Variants in RET observed in about 807,000 individuals in gnomAD.
The protein encoded by RET is proto-oncogene tyrosine-protein kinase receptor Ret.
Under a neutral mutation model 118.3 loss-of-function variants are expected in RET, and 19 were observed. The ratio of observed to expected loss-of-function variants is 0.16; its 90% CI spans 0.11 to 0.24. RET has a LOEUF of 0.24. RET is among the 10% of genes least tolerant of loss of function. The pLI is 1.00. For synonymous variants in RET, 597 were observed against 644.1 expected (o/e 0.93, Z 1.11); for missense variants, 1,219 against 1,502.1 (o/e 0.81, Z 3.12).
In RET at chr10:43,100,673, C is replaced by T. The variant is rs1431744747; in HGVS notation, c.288C>T (p.Tyr96=). The change falls in exon 2 of 20, where the codon TAC becomes TAT. Residue 96 remains tyrosine (Y), a synonymous_variant. Transcript: ENST00000355710. ...ICIQEDTGLL[Y]LNRSLDHSSW... ...TCCAGGAGGACACCGGCCTCCTCTA[C>T]CTTAACCGGAGCCTGGACCATAGCT... 2.4e-5 allele frequency: 38 copies of T among 1,610,666 alleles called. No individual in the cohort carries two copies. Among genetic ancestry groups the T allele is most frequent in the East Asian group, 6.7e-5 (3 of 44,774 alleles).
chr10:43,112,343 T>C, intron 8 of RET, 119 bp downstream of exon 8: 1 of 1,435,734 alleles, frequency 7.0e-7, no homozygotes, highest in East Asian at 2.5e-5. Flanking sequence ...TTCTGGCACC[T>C]CATCCCCCAT....
At chr10:43,102,795 C>A in intron 3 of RET, 166 bp downstream of exon 3, 1 of 806,694 alleles carries the variant, frequency 1.2e-6, no homozygotes, top group Non-Finnish European at 2.0e-6. Flanking sequence ...AGGTACTGTT[C>A]TAGGAGCTAA....
At chr10:43,116,557 C>G (rs756678957) in intron 11 of RET, 27 bp from the exon 12 acceptor site, 3 of 1,610,476 alleles carry the variant, frequency 1.9e-6, no homozygotes, top group Non-Finnish European at 2.5e-6. Context: ...CCCCCCTCTT[C>G]TCCCCCTTCC....
intron 1 of RET, among the ~76,000 whole-genome samples, chr10:43,091,293 T>G (rs1698817493): frequency 6.6e-6 from 1 of 152,030 alleles, no homozygotes; most frequent in Admixed American, 6.6e-5. Context: ...TGTAGAGAAC[T>G]CCTCACACTC....
At chr10:43,105,258 C>T (rs1475782316) in intron 4 of RET, 65 bp downstream of exon 4, 4 of 1,607,114 alleles carry the variant, frequency 2.5e-6, no homozygotes, top group Admixed American at 3.3e-5. Flanking sequence ...GTTTCTCGGT[C>T]GGTTTAGTGT....
At chr10:43,108,200 A>T (rs1323216336) in intron 5 of RET, among the ~76,000 whole-genome samples, 1 of 151,890 alleles carries the variant, frequency 6.6e-6, no homozygotes, top group Non-Finnish European at 1.5e-5. Flanking sequence ...AAAAAAATAC[A>T]AAAAATTAGC....
intron 13 of RET, 66 bp downstream of exon 13, chr10:43,118,546 G>C: frequency 8.5e-7 from 1 of 1,178,876 alleles, no homozygotes. Flanking sequence ...ATACAGCCCT[G>C]TTCTCCCTCT....
rs1011019275 is a variant in RET, at chr10:43,112,363, G to T, written c.1648+139G>T. Reference sequence around the variant, plus strand: ...GCACCTCATCCCCCATGTGGCTCTCGATGCCAGCATAGCGGGCAGCAGTGC... The same window carrying T: ...GCACCTCATCCCCCATGTGGCTCTCTATGCCAGCATAGCGGGCAGCAGTGC... On this transcript the variant is annotated intron_variant, in intron 8 of 19. Transcript: ENST00000355710. The T allele has an allele frequency of 4.6e-6, 6 of 1,306,298 alleles. No homozygotes were observed. The Admixed American group carries it at 6.0e-5, about 13-fold the overall frequency. 80.9% of individuals were successfully genotyped at this position (1,306,298 alleles called of 1,614,324 possible).
chr10:43,088,593 CT>C lies in RET; in HGVS notation c.73+11263del, dbSNP rs1370668172. On this transcript the variant is annotated intron_variant, in intron 1 of 19. Transcript: ENST00000355710. The stretch of plus-strand genomic sequence containing the variant: ...CATTTGCTTGGTGCCAGCCACTGAT[CT>C]GTGAACTTCATGTGCATTAATTCCT... 2.0e-5 allele frequency among the ~76,000 whole-genome samples: 3 copies of C among 152,082 alleles called. No individual in the cohort carries two copies. The East Asian group carries it at 5.8e-4, about 29-fold the overall frequency.
At position 43,126,712 on chromosome 10, in the gene RET, C is replaced by A. The variant is rs1014122393; in HGVS notation, c.3177C>A (p.Asn1059Lys). 6.2e-7 allele frequency: 1 copy of A among 1,613,964 alleles called. No individual in the cohort carries two copies. Among genetic ancestry groups the A allele is most frequent in the Non-Finnish European group, 8.5e-7 (1 of 1,179,982 alleles). Residue 1059 changes from asparagine to lysine, a missense_variant, in exon 19 of 20, where the codon AAC becomes AAA. Transcript: ENST00000355710. ...PRALPSTWIE[N>K]KLYGMSDPNW... is the part of the protein sequence containing the mutation. ...CCCTCCCTTCCACATGGATTGAAAA[C>A]AAACTCTATGGTAGAATTTCCCATG...
intron 1 of RET, among the ~76,000 whole-genome samples, chr10:43,087,115 G>A (rs1010642911): frequency 1.3e-5 from 2 of 152,232 alleles, no homozygotes; most frequent in African/African-American, 4.8e-5. Flanking sequence ...TGATATCTCT[G>A]TTCTACAGCA....
intron 6 of RET, among the ~76,000 whole-genome samples, chr10:43,109,529 G>A (rs983997310): frequency 1.3e-5 from 2 of 152,272 alleles, no homozygotes; most frequent in Non-Finnish European, 2.9e-5. Context: ...ATGGTGACTC[G>A]GAAGAATCTT....
In RET at chr10:43,105,602, C is replaced by T. The variant is rs192310683; in HGVS notation, c.867+409C>T. Among the ~76,000 whole-genome samples, 50 of 152,280 alleles carry T rather than the reference C, an allele frequency of 3.3e-4. No homozygotes were observed. In the East Asian group the frequency reaches 9.1e-3, roughly 28 times the overall value. The stretch of plus-strand genomic sequence containing the variant: ...GAAGGACGGGAAGGCGGATCACCTC[C>T]GGCGCCGCCCGCCCCGCCCTTCTCC... On this transcript the variant is annotated intron_variant, in intron 4 of 19. Coordinates refer to ENST00000355710, the MANE Select transcript of RET (RefSeq NM_020975.6).
rs577787501 is a variant in RET at position 43,095,206 on chromosome 10, G to A, written c.74-5253G>A. On this transcript the variant is annotated intron_variant, in intron 1 of 19. Coordinates refer to ENST00000355710, the MANE Select transcript of RET (RefSeq NM_020975.6). ...ACGGGAGCTGAGGCTGGGGGCTGCA[G>A]GAAGCTGATGGCTAGGCTCAGGTAT... 3.0e-3 allele frequency among the ~76,000 whole-genome samples: 456 copies of A among 152,298 alleles called. 6 individuals are homozygous for A. The highest frequency in any genetic ancestry group is 0.01 in the African/African-American group (429 of 41,574).
intron 18 of RET, among the ~76,000 whole-genome samples, chr10:43,125,870 T>C (rs548608704): frequency 6.6e-6 from 1 of 152,288 alleles, no homozygotes; most frequent in East Asian, 1.9e-4. Flanking sequence ...GTCCTGAGAA[T>C]GCAGCGTTGT....
chr10:43,117,691 G>A (rs1312307177), intron 12 of RET, among the ~76,000 whole-genome samples: 1 of 152,242 alleles, frequency 6.6e-6, no homozygotes, highest in Non-Finnish European at 1.5e-5. Flanking sequence ...TGATCCCTGT[G>A]GTGCCTCGTC....
chr10:43,120,391 G>T (rs1450757745), intron 15 of RET, among the ~76,000 whole-genome samples, 188 bp downstream of exon 15: 1 of 152,202 alleles, frequency 6.6e-6, no homozygotes, highest in Non-Finnish European at 1.5e-5. Flanking sequence ...CTCAGCCTCT[G>T]CCATGTCCTT....
Position 43,128,696 on chromosome 10 carries a change from A to G in RET, c.*427A>G, listed in dbSNP as rs1359708136. 5.1e-6 allele frequency: 2 copies of G among 389,644 alleles called. No homozygotes were observed. Among genetic ancestry groups the G allele is most frequent in the Non-Finnish European group, 9.6e-6 (2 of 208,386 alleles). 24.1% of individuals were successfully genotyped at this position (389,644 alleles called of 1,614,324 possible). On this transcript the variant is annotated 3_prime_UTR_variant, in exon 20 of 20. Transcript: ENST00000355710. ...AAAAATTTAAACATGAAGCACACACACAAAAAAGGCAGTAGGAAAAATGCT... is the reference window on the plus strand; with the variant it reads ...AAAAATTTAAACATGAAGCACACACGCAAAAAAGGCAGTAGGAAAAATGCT...
chr10:43,084,917 G>A (rs939758094), intron 1 of RET, among the ~76,000 whole-genome samples: 1 of 152,138 alleles, frequency 6.6e-6, no homozygotes, highest in Non-Finnish European at 1.5e-5. Flanking sequence ...CAGCAGCAGG[G>A]GAACCAGGGC....
Sources: allele counts gnomAD v4.1 joint callset (sites outside exome capture counted in the v4.1 genomes callset), GRCh38; gene constraint gnomAD v4.1.1; transcripts MANE v1.5; gene names NCBI Gene and HGNC (gene_info 2026-07-23, HGNC 2026-07-21).